Variants in LOC400499 observed in about 807,000 individuals in gnomAD.
chr16:11,407,968 C>CTCT, the LOC400499 span, among the ~76,000 whole-genome samples: 208 of 116,176 alleles, frequency 1.8e-3, 4 homozygotes, highest in African/African-American at 6.6e-3. Context: ...TGTTCCAGAG[C>CTCT]TGTTTTTTTT....
chr16:11,483,870 C>T, the LOC400499 span, among the ~76,000 whole-genome samples: 1 of 151,084 alleles, frequency 6.6e-6, no homozygotes, highest in Non-Finnish European at 1.5e-5. Context: ...GTGAGACTGT[C>T]TCAAAAAAAA....
the LOC400499 span, among the ~76,000 whole-genome samples, chr16:11,374,410 C>T: frequency 0.23 from 35,658 of 152,118 alleles, 4,890 homozygotes; most frequent in Non-Finnish European, 0.32. Flanking sequence ...AGTACATGCA[C>T]ACTTTTGTGC....
the LOC400499 span, among the ~76,000 whole-genome samples, chr16:11,448,683 C>A: frequency 1.3e-5 from 2 of 151,900 alleles, no homozygotes; most frequent in Non-Finnish European, 1.5e-5. Flanking sequence ...GCTATGACAG[C>A]ATCACTGAAC....
At chr16:11,462,844 C>T in the LOC400499 span, among the ~76,000 whole-genome samples, 1 of 152,174 alleles carries the variant, frequency 6.6e-6, no homozygotes, top group Admixed American at 6.5e-5. Flanking sequence ...CCATCAGGAA[C>T]TTGAGTCAAC....
chr16:11,407,161 A>T, the LOC400499 span: 3 of 398,668 alleles, frequency 7.5e-6, no homozygotes, highest in African/African-American at 6.2e-5. Context: ...GAGGCCCCCC[A>T]CCCCAGCGTG....
chr16:11,505,944 G>A, the LOC400499 span, among the ~76,000 whole-genome samples: 1 of 152,012 alleles, frequency 6.6e-6, no homozygotes, highest in African/African-American at 2.4e-5. Context: ...AGTCATCCTA[G>A]GAATCTATTG....
chr16:11,462,990 AATCTCCACAC>A, the LOC400499 span, among the ~76,000 whole-genome samples: 1 of 152,116 alleles, frequency 6.6e-6, no homozygotes, highest in East Asian at 1.9e-4. Flanking sequence ...GGTGGCAACT[AATCTCCACAC>A]GGCAACCAGA....
chr16:11,408,620 C>A, the LOC400499 span, among the ~76,000 whole-genome samples: 1 of 152,016 alleles, frequency 6.6e-6, no homozygotes, highest in South Asian at 2.1e-4. Context: ...TACACACCAC[C>A]ATGCCTGGCT....
chr16:11,523,398 G>T, the LOC400499 span: 2 of 398,634 alleles, frequency 5.0e-6, no homozygotes, highest in Non-Finnish European at 8.8e-6. Context: ...GTGTGATCAG[G>T]CGTCCTGAGA....
At chr16:11,393,795 G>C in the LOC400499 span, among the ~76,000 whole-genome samples, 125 of 152,236 alleles carry the variant, frequency 8.2e-4, no homozygotes, top group Non-Finnish European at 1.6e-3. Flanking sequence ...AAAATACTCC[G>C]GGCCAGGATC....
chr16:11,508,689 T>C, the LOC400499 span: 1 of 398,942 alleles, frequency 2.5e-6, no homozygotes, highest in Non-Finnish European at 4.4e-6. Flanking sequence ...AGAAAGACTC[T>C]GGCCTGGGGC....
At chr16:11,382,057 C>T in the LOC400499 span, among the ~76,000 whole-genome samples, 1 of 152,086 alleles carries the variant, frequency 6.6e-6, no homozygotes. Context: ...CTGCCTCAGC[C>T]TTCATAGTTG....
chr16:11,478,175 C>T, the LOC400499 span, among the ~76,000 whole-genome samples: 1 of 151,030 alleles, frequency 6.6e-6, no homozygotes, highest in African/African-American at 2.4e-5. Flanking sequence ...CTACAGACGC[C>T]TGCCACCATG....
chr16:11,377,263 G>C, the LOC400499 span, among the ~76,000 whole-genome samples: 2 of 152,156 alleles, frequency 1.3e-5, no homozygotes, highest in African/African-American at 4.8e-5. Context: ...GCAGTGTTCA[G>C]GATTTTCGAC....
At chr16:11,494,534 G>T in the LOC400499 span, 5 of 397,560 alleles carry the variant, frequency 1.3e-5, no homozygotes, top group Non-Finnish European at 2.2e-5. Context: ...GGCCCCACTG[G>T]GGGCACTGAA....
At chr16:11,457,551 C>A in the LOC400499 span, among the ~76,000 whole-genome samples, 8 of 148,636 alleles carry the variant, frequency 5.4e-5, no homozygotes, top group African/African-American at 7.5e-5. Flanking sequence ...CGAGATCGCA[C>A]CACTGCACTC....
chr16:11,447,359 G>C, the LOC400499 span, among the ~76,000 whole-genome samples: 2 of 152,122 alleles, frequency 1.3e-5, no homozygotes, highest in Non-Finnish European at 2.9e-5. Context: ...TACATGAAAC[G>C]ACCACAAGCT....
At chr16:11,376,990 A>G in the LOC400499 span, among the ~76,000 whole-genome samples, 4 of 145,510 alleles carry the variant, frequency 2.7e-5, no homozygotes. Context: ...CCCAGGCTGG[A>G]GTACAGTGGC....
chr16:11,483,888 C>T, the LOC400499 span, among the ~76,000 whole-genome samples: 2 of 148,646 alleles, frequency 1.3e-5, no homozygotes, highest in Non-Finnish European at 3.0e-5. Context: ...AAAGGACATG[C>T]TGTGTGATCT....
Sources: gnomAD v4.1 joint callset for allele counts (sites outside exome capture counted in the v4.1 genomes callset) on GRCh38, gnomAD v4.1.1 for gene constraint, MANE v1.5 for transcripts.